Variants in PDE4B observed in about 807,000 individuals in gnomAD.
PDE4B encodes 3',5'-cyclic-AMP phosphodiesterase 4B.
A neutral mutation model predicts 82.2 loss-of-function variants in PDE4B; 20 were observed. That is an observed-to-expected ratio of 0.24 (90% CI 0.17 to 0.35). PDE4B has a LOEUF of 0.35. PDE4B is among the 10% of genes least tolerant of loss of function. PDE4B has a pLI of 1.00. For missense variants in PDE4B, 655 were observed against 907.2 expected (o/e 0.72, Z 3.57); for synonymous variants, 320 against 318.9 (o/e 1.00, Z -0.04).
intron 1 of PDE4B, among the ~76,000 whole-genome samples, chr1:65,911,860 T>C (rs961179685): frequency 2.6e-5 from 4 of 152,220 alleles, no homozygotes; most frequent in Non-Finnish European, 4.4e-5. Flanking sequence ...TCCTGCATAA[T>C]GTAGTCAAAT....
Position 66,355,638 on chromosome 1 carries a change from A to G in PDE4B, c.841+18A>G, listed in dbSNP as rs1224023466. ...TTTCTTAGGTAAGATATTAACTGGG[A>G]AAAACCTGTTTTATAACTGGGGTTT... On this transcript the variant is annotated intron_variant, in intron 9 of 16. Coordinates refer to ENST00000341517, the MANE Select transcript of PDE4B (RefSeq NM_002600.4). 4.8e-6 allele frequency: 7 copies of G among 1,459,766 alleles called. No individual in the cohort carries two copies. In the South Asian group the frequency reaches 5.8e-5, roughly 12 times the overall value. 90.4% of individuals were successfully genotyped at this position (1,459,766 alleles called of 1,614,324 possible).
At chr1:66,175,276 A>G (rs1386113959) in intron 3 of PDE4B, among the ~76,000 whole-genome samples, 3 of 152,224 alleles carry the variant, frequency 2.0e-5, no homozygotes, top group African/African-American at 7.2e-5. Context: ...TCACTGCCAA[A>G]CACTGAGAAG....
At chr1:65,798,010 A>C (rs1437408631) in intron 1 of PDE4B, among the ~76,000 whole-genome samples, 2 of 151,578 alleles carry the variant, frequency 1.3e-5, no homozygotes, top group East Asian at 3.9e-4. Context: ...ATGTTTAAAA[A>C]TTTATTTATT....
chr1:66,027,953 T>C (rs1653540718), intron 3 of PDE4B, among the ~76,000 whole-genome samples: 1 of 152,222 alleles, frequency 6.6e-6, no homozygotes, highest in African/African-American at 2.4e-5. Flanking sequence ...TGGTGCAAGC[T>C]ATCGGTGGAT....
chr1:66,196,176 C>G (rs568183258), intron 3 of PDE4B, among the ~76,000 whole-genome samples: 1 of 152,294 alleles, frequency 6.6e-6, no homozygotes, highest in East Asian at 1.9e-4. Context: ...AATTGACTAG[C>G]CTGCCAAGGG....
intron 3 of PDE4B, among the ~76,000 whole-genome samples, chr1:66,214,382 G>C (rs1467591708): frequency 1.3e-5 from 2 of 152,074 alleles, no homozygotes; most frequent in Non-Finnish European, 2.9e-5. Flanking sequence ...GAGGAAGAAG[G>C]CAGTAAGGTC....
intron 1 of PDE4B, among the ~76,000 whole-genome samples, chr1:65,826,888 C>A (rs1267291395): frequency 6.6e-6 from 1 of 152,112 alleles, no homozygotes; most frequent in Non-Finnish European, 1.5e-5. Context: ...AGCCCTACCC[C>A]ACCATGTACA....
intron 3 of PDE4B, among the ~76,000 whole-genome samples, chr1:65,922,640 C>A (rs550320894): frequency 6.6e-6 from 1 of 152,200 alleles, no homozygotes; most frequent in Non-Finnish European, 1.5e-5. Flanking sequence ...AAACTTGTAG[C>A]ATGGAGGATC....
chr1:66,228,101 C>T (rs1651601404), intron 3 of PDE4B, among the ~76,000 whole-genome samples: 1 of 152,234 alleles, frequency 6.6e-6, no homozygotes, highest in Admixed American at 6.5e-5. Context: ...TGCTTTTGCA[C>T]TTGCTGTTTC....
rs146376555 is a variant in PDE4B at position 65,935,082 on chromosome 1, C to T, written c.281+16247C>T. Among the ~76,000 whole-genome samples, 766 of 152,196 alleles carry T rather than the reference C, an allele frequency of 5.0e-3. 1 individual carries two copies. The highest frequency in any genetic ancestry group is 8.4e-3 in the Non-Finnish European group (571 of 67,998). ...ACATTCTTCTCAGGTGTACATGAAA[C>T]ATTCTCTAGGATACATCACATGTCA... On this transcript the variant is annotated intron_variant, in intron 3 of 16. Transcript: ENST00000341517.
At chr1:66,261,978 G>A (rs1000218603) in intron 6 of PDE4B, among the ~76,000 whole-genome samples, 3 of 152,274 alleles carry the variant, frequency 2.0e-5, no homozygotes, top group Non-Finnish European at 2.9e-5. Context: ...GGAGCAAATA[G>A]GTGTCATTTA....
chr1:65,837,314 G>A (rs766085770), intron 1 of PDE4B, among the ~76,000 whole-genome samples: 12 of 152,072 alleles, frequency 7.9e-5, no homozygotes, highest in Non-Finnish European at 1.2e-4. Context: ...CCTACAGGCC[G>A]GGCACAGTGG....
intron 3 of PDE4B, among the ~76,000 whole-genome samples, chr1:66,116,417 C>T (rs1176330559): frequency 6.6e-6 from 1 of 152,030 alleles, no homozygotes; most frequent in African/African-American, 2.4e-5. Flanking sequence ...CTCCCTTCCT[C>T]CCCCCAACTC....
At chr1:65,866,168 CTTTT>C (rs921993991) in intron 1 of PDE4B, among the ~76,000 whole-genome samples, 2 of 151,408 alleles carry the variant, frequency 1.3e-5, no homozygotes, top group African/African-American at 4.9e-5. Context: ...AAAACTCCAA[CTTTT>C]TTTTTATTTT....
At chr1:66,192,222 C>G (rs1350073335) in intron 3 of PDE4B, among the ~76,000 whole-genome samples, 4 of 152,120 alleles carry the variant, frequency 2.6e-5, no homozygotes, top group Admixed American at 2.0e-4. Flanking sequence ...ATTGAAGACT[C>G]TTTTGTGATC....
chr1:66,236,963 C>A (rs1159886987), intron 3 of PDE4B, among the ~76,000 whole-genome samples: 1 of 152,134 alleles, frequency 6.6e-6, no homozygotes, highest in Non-Finnish European at 1.5e-5. Flanking sequence ...TCCTTCCTTC[C>A]TCAGAAGGTG....
At position 65,930,345 on chromosome 1, in the gene PDE4B, A is replaced by G. The variant is rs529992848; in HGVS notation, c.281+11510A>G. Reference sequence around the variant, plus strand: ...TCAATACTTTGCATCCTTCAGTTCAATCAAGTTGACACTCAGTATTAACCA... The same window carrying G: ...TCAATACTTTGCATCCTTCAGTTCAGTCAAGTTGACACTCAGTATTAACCA... On this transcript the variant is annotated intron_variant, in intron 3 of 16. Coordinates refer to ENST00000341517, the MANE Select transcript of PDE4B (RefSeq NM_002600.4). Among the ~76,000 whole-genome samples the G allele has an allele frequency of 2.0e-5, 3 of 152,336 alleles. No homozygotes were observed. The East Asian group carries it at 5.8e-4, about 29-fold the overall frequency.
intron 1 of PDE4B, among the ~76,000 whole-genome samples, chr1:65,832,278 C>A (rs1646091684): frequency 6.6e-6 from 1 of 152,100 alleles, no homozygotes; most frequent in South Asian, 2.1e-4. Context: ...GACAGAAGAT[C>A]TGGAAGTTGA....
chr1:65,835,920 T>C (rs1035278083), intron 1 of PDE4B, among the ~76,000 whole-genome samples: 2 of 149,250 alleles, frequency 1.3e-5, no homozygotes, highest in African/African-American at 5.0e-5. Flanking sequence ...TTTACTCTCT[T>C]TTTTTTTTAT....
Sources: gnomAD v4.1 joint callset for allele counts (sites outside exome capture counted in the v4.1 genomes callset) on GRCh38, gnomAD v4.1.1 for gene constraint, MANE v1.5 for transcripts, NCBI Gene and HGNC (gene_info 2026-07-23, HGNC 2026-07-21) for gene names.